Variants in SBNO1 observed in about 807,000 individuals in gnomAD.
SBNO1 encodes the protein protein strawberry notch homolog 1.
Under a neutral mutation model 173.6 loss-of-function variants are expected in SBNO1, and 23 were observed. The ratio of observed to expected loss-of-function variants is 0.13; its 90% confidence interval spans 0.10 to 0.19. The LOEUF (loss-of-function observed/expected upper bound fraction) is 0.19. Ranked by LOEUF, SBNO1 falls within the 10% of genes least tolerant of loss-of-function variation. The pLI is 1.00. For missense variants in SBNO1, 1,238 were observed against 1,671.2 expected (o/e 0.74, Z 4.52); for synonymous variants, 632 against 571.5 (o/e 1.11, Z -1.51).
intron 15 of SBNO1, among the ~76,000 whole-genome samples, chr12:123,324,691 A>G (rs999370790): frequency 9.3e-4 from 142 of 152,206 alleles, no homozygotes; most frequent in African/African-American, 3.3e-3. Context: ...TGCTCAGTTT[A>G]CTACCAGAGT....
intron 3 of SBNO1, 41 bp downstream of exon 3, chr12:123,347,987 TA>T: frequency 7.8e-7 from 1 of 1,289,244 alleles, no homozygotes; most frequent in Non-Finnish European, 1.1e-6. Context: ...ACTACACTTC[TA>T]AACTATTTTA....
At chr12:123,357,137 T>G (rs1262335039) in intron 1 of SBNO1, among the ~76,000 whole-genome samples, 4 of 152,198 alleles carry the variant, frequency 2.6e-5, no homozygotes, top group Non-Finnish European at 2.9e-5. Context: ...TTTACAAGAA[T>G]TTCCTTTATC....
chr12:123,350,723 G>A (rs530083355), intron 1 of SBNO1, among the ~76,000 whole-genome samples: 3 of 152,344 alleles, frequency 2.0e-5, no homozygotes, highest in Non-Finnish European at 4.4e-5. Context: ...TGTGGAAGCA[G>A]AGATGTTATA....
At position 123,317,296 on chromosome 12, in the gene SBNO1, C is replaced by G; in HGVS notation, c.2860G>C (p.Ala954Pro). The change falls in exon 21 of 32, where the codon GCT becomes CCT. Residue 954 changes from alanine to proline, a missense_variant. By Grantham distance (27) the Ala-to-Pro change is conservative. Around this residue, in one of 14 missense-constraint regions of SBNO1, gnomAD observed 39 missense variants for 129.7 expected, o/e 0.30. Transcript: ENST00000602398. ...SGISLQADRR[A>P]KNQRRRVHMT... Reference sequence around the variant, plus strand: ...TGAACTCTTCGCCTTTGATTTTTAGCTCTCCTATCTGCTTGTAATGAAATA... The same window carrying G: ...TGAACTCTTCGCCTTTGATTTTTAGGTCTCCTATCTGCTTGTAATGAAATA... The G allele has an allele frequency of 6.2e-7, 1 of 1,613,982 alleles. No homozygotes were observed. Among genetic ancestry groups the G allele is most frequent in the Non-Finnish European group, 8.5e-7 (1 of 1,179,872 alleles).
intron 21 of SBNO1, among the ~76,000 whole-genome samples, chr12:123,316,660 C>T (rs1869309661): frequency 6.6e-6 from 1 of 151,726 alleles, no homozygotes; most frequent in Non-Finnish European, 1.5e-5. Flanking sequence ...GCTGGGACTA[C>T]AGGCACACGC....
At chr12:123,332,160 C>T (rs1419169561) in intron 7 of SBNO1, among the ~76,000 whole-genome samples, 3 of 152,100 alleles carry the variant, frequency 2.0e-5, no homozygotes, top group African/African-American at 7.2e-5. Context: ...AATGTGAATA[C>T]TTTCTACATA....
At chr12:123,344,237 C>T (rs1172233967) in intron 4 of SBNO1, among the ~76,000 whole-genome samples, 1 of 152,126 alleles carries the variant, frequency 6.6e-6, no homozygotes, top group African/African-American at 2.4e-5. Flanking sequence ...TGCACCTCAG[C>T]CAGGTCAGGG....
At chr12:123,309,987 A>T in intron 25 of SBNO1, 131 bp from the exon 26 acceptor site, 1 of 690,370 alleles carries the variant, frequency 1.4e-6, no homozygotes, top group Non-Finnish European at 2.4e-6. Flanking sequence ...TCCTCACAAC[A>T]AGGCTGTAAT....
chr12:123,308,370 CTTAAT>C (rs2048973291), intron 28 of SBNO1, among the ~76,000 whole-genome samples: 1 of 152,070 alleles, frequency 6.6e-6, no homozygotes, highest in African/African-American at 2.4e-5. Flanking sequence ...ATGAAAAATG[CTTAAT>C]TTAAGAAAAT....
At position 123,291,325 on chromosome 12, in the gene SBNO1, CA is replaced by C. The variant is rs2138848452; in HGVS notation, c.*4582del. 6.6e-6 allele frequency: 1 copy of C among 152,270 alleles called. No individual in the cohort carries two copies. The highest frequency in any genetic ancestry group is 1.9e-4 in the East Asian group (1 of 5,178). The allele number at this position is 152,270 out of a possible 1,614,324, so 9.4% of individuals were successfully genotyped here. On this transcript the variant is annotated 3_prime_UTR_variant, in exon 32 of 32. Coordinates refer to ENST00000602398, the MANE Select transcript of SBNO1 (RefSeq NM_001167856.3). ...AAATATGGTAAGGCCTGAAAAATTGCAAAAGTAGAAGCAAGTCAGGTTTGCT... is the reference window on the plus strand; with the variant it reads ...AAATATGGTAAGGCCTGAAAAATTGCAAAGTAGAAGCAAGTCAGGTTTGCT...
chr12:123,318,208 G>C (rs1243917257), intron 20 of SBNO1, among the ~76,000 whole-genome samples: 2 of 152,178 alleles, frequency 1.3e-5, no homozygotes, highest in Non-Finnish European at 2.9e-5. Context: ...GAGAGGCCGA[G>C]GCAGACGGAT....
chr12:123,323,035 C>T (rs1485133716), intron 16 of SBNO1, among the ~76,000 whole-genome samples: 4 of 152,154 alleles, frequency 2.6e-5, no homozygotes, highest in African/African-American at 9.7e-5. Context: ...TAGGAAAACT[C>T]TTTAATCTTT....
chr12:123,302,708 C>A, intron 30 of SBNO1, 116 bp downstream of exon 30: 2 of 745,956 alleles, frequency 2.7e-6, no homozygotes, highest in Non-Finnish European at 4.8e-6. Context: ...ACACACCACG[C>A]CTGACAATAC....
chr12:123,346,402 C>T (rs1350494987), intron 3 of SBNO1, among the ~76,000 whole-genome samples: 1 of 151,946 alleles, frequency 6.6e-6, no homozygotes, highest in Non-Finnish European at 1.5e-5. Flanking sequence ...CGGTGGCTCA[C>T]ACTTGTAATC....
rs201856265 is a variant in SBNO1 at position 123,346,875 on chromosome 12, C to T, written c.237+1154G>A. ...GGCACATTACCTGAGGTCAGGAGCT[C>T]AAGACTAGCATGGCCAACATGGTAA... is the stretch of plus-strand genomic sequence containing the variant. On this transcript the variant is annotated intron_variant, in intron 3 of 31. Coordinates refer to ENST00000602398, the MANE Select transcript of SBNO1 (RefSeq NM_001167856.3). Among the ~76,000 whole-genome samples, 9 of 151,838 alleles carry T rather than the reference C, an allele frequency of 5.9e-5. No individual in the cohort carries two copies. In the East Asian group the frequency reaches 1.8e-3, roughly 30 times the overall value.
At chr12:123,360,186 A>G (rs1874972994) in intron 1 of SBNO1, among the ~76,000 whole-genome samples, 1 of 151,690 alleles carries the variant, frequency 6.6e-6, no homozygotes, top group Non-Finnish European at 1.5e-5. Context: ...CGGAGCTTGC[A>G]GGTGAGCCAA....
chr12:123,296,161 T>A, intron 31 of SBNO1, 111 bp from the exon 32 acceptor site: 3 of 651,590 alleles, frequency 4.6e-6, no homozygotes, highest in East Asian at 2.6e-5. Flanking sequence ...GACAAGAAGT[T>A]CACACAAAAA....
rs11413728 is a variant in SBNO1 at position 123,303,922 on chromosome 12, C to CTTTTT, written c.3768+655_3768+659dup. ...TTCAATATATTATAAAATAAGTATTCTTTTTTTTTTTTTTTTTTTTTTGAG... is the reference window on the plus strand; with the variant it reads ...TTCAATATATTATAAAATAAGTATTCTTTTTTTTTTTTTTTTTTTTTTTTTTTGAG... On this transcript the variant is annotated intron_variant, in intron 29 of 31. Coordinates refer to ENST00000602398, the MANE Select transcript of SBNO1 (RefSeq NM_001167856.3). Among the ~76,000 whole-genome samples, 34 of 100,458 alleles carry CTTTTT rather than the reference C, an allele frequency of 3.4e-4. 2 individuals carry two copies. The highest frequency in any genetic ancestry group is 6.6e-4 in the East Asian group (2 of 3,042). The allele number at this position is 100,458 out of a possible 152,430, so 65.9% of individuals were successfully genotyped here.
chr12:123,321,369 T>C (rs1367270810), intron 17 of SBNO1, among the ~76,000 whole-genome samples, 166 bp downstream of exon 17: 1 of 152,220 alleles, frequency 6.6e-6, no homozygotes, highest in East Asian at 1.9e-4. Flanking sequence ...CTCACATATA[T>C]GAGGCTCAAA....
Sources: allele counts gnomAD v4.1 joint callset (sites outside exome capture counted in the v4.1 genomes callset), GRCh38; gene constraint gnomAD v4.1.1; regional missense constraint gnomAD v4.1.1; transcripts MANE v1.5; gene names NCBI Gene and HGNC (gene_info 2026-07-23, HGNC 2026-07-21).